Variants in TBX1 observed in about 807,000 individuals in gnomAD.
TBX1 encodes T-box transcription factor TBX1.
Under a neutral mutation model 40.8 loss-of-function variants are expected in TBX1, and 16 were observed. The observed-to-expected ratio is 0.39, with a 90% CI of 0.27 to 0.60. TBX1 has a LOEUF of 0.60. Among genes scored for constraint, TBX1 ranks in the 20% least tolerant of loss-of-function variants. The pLI, the probability that TBX1 is intolerant of heterozygous loss-of-function variation, is 0.51. For missense variants in TBX1, 755 were observed against 728.5 expected (o/e 1.04, Z -0.42); for synonymous variants, 403 against 336.8 (o/e 1.20, Z -2.15).
At chr22:19,779,431 C>A (rs41298008) in exon 9 of TBX1, 4 of 1,613,834 alleles carry the variant, frequency 2.5e-6, no homozygotes, top group Non-Finnish European at 3.4e-6. Context: ...GCCATGGGCA[C>A]ATGGAGTTGT....
At chr22:19,759,491 C>A (rs111452627), upstream of TBX1, 2 of 1,478,506 alleles carry the variant, frequency 1.4e-6, no homozygotes, top group Admixed American at 4.5e-5. Context: ...CCGCCGGGCG[C>A]CTATGGACGC....
chr22:19,759,400 C>T, upstream of TBX1: 1 of 842,544 alleles, frequency 1.2e-6, no homozygotes, highest in Non-Finnish European at 1.4e-6. Flanking sequence ...ACCACAGGCC[C>T]CCGCCCCCGG....
chr22:19,759,576 C>G, upstream of TBX1: 1 of 1,596,578 alleles, frequency 6.3e-7, no homozygotes, highest in Non-Finnish European at 8.5e-7. Flanking sequence ...GCGGAGCGCA[C>G]CGCCCACCAG....
Position 19,766,508 on chromosome 22 carries a change from G to C in TBX1, c.1156G>C (p.Gly386Arg), listed in dbSNP as rs1302265372. Residue 386 changes from glycine (G) to arginine (R), a missense_variant, in exon 7 of 7, where the codon GGC becomes CGC. Physicochemically the swap from Gly to Arg is moderately radical, Grantham distance 125 (BLOSUM62 -2). Around this residue, in one of 3 missense-constraint regions of TBX1, gnomAD observed 412 missense variants for 317.6 expected, o/e 1.30. Transcript: ENST00000649276. ...RVLSPSLPGA[G>R]GAGGLVPLPG... ...GCTAAGCCCCTCGCTGCCCGGGGCCGGCGGCGCCGGCGGCTTAGTCCCGCT... is the reference window on the plus strand; with the variant it reads ...GCTAAGCCCCTCGCTGCCCGGGGCCCGCGGCGCCGGCGGCTTAGTCCCGCT... 4 of 1,303,852 alleles carry C rather than the reference G, an allele frequency of 3.1e-6. No individual in the cohort carries two copies. Among genetic ancestry groups the C allele is most frequent in the East Asian group, 6.5e-5 (2 of 30,796 alleles). The allele number at this position is 1,303,852 out of a possible 1,614,324, so 80.8% of individuals were successfully genotyped here.
downstream of TBX1, among the ~76,000 whole-genome samples, chr22:19,768,555 A>G (rs552754611): frequency 3.9e-5 from 6 of 152,236 alleles, no homozygotes; most frequent in African/African-American, 1.2e-4. Flanking sequence ...ACGGCTGTGG[A>G]TGCCCATTCC....
At chr22:19,768,953 C>T (rs201936614), downstream of TBX1, among the ~76,000 whole-genome samples, 98 of 66,076 alleles carry the variant, frequency 1.5e-3, 1 homozygote, top group East Asian at 3.3e-3. Context: ...TGTTCGCATT[C>T]TTTTTTTTTT....
At chr22:19,768,500 C>T (rs939584819), downstream of TBX1, among the ~76,000 whole-genome samples, 2 of 152,212 alleles carry the variant, frequency 1.3e-5, no homozygotes, top group Non-Finnish European at 2.9e-5. Flanking sequence ...TCTGCAGCAT[C>T]TGCCCAGGCT....
At chr22:19,774,294 T>C (rs2145847596) in intron 8 of TBX1, among the ~76,000 whole-genome samples, 1 of 152,274 alleles carries the variant, frequency 6.6e-6, no homozygotes, top group Admixed American at 6.5e-5. Context: ...GCACCTGTAG[T>C]CCCAGCTACT....
intron 1 of TBX1, among the ~76,000 whole-genome samples, chr22:19,761,511 A>G (rs1170809946): frequency 3.3e-5 from 5 of 151,444 alleles, no homozygotes. Flanking sequence ...GCGGGAGGAG[A>G]CGGCGCGGGC....
chr22:19,776,180 C>T (rs1007063972), intron 8 of TBX1, among the ~76,000 whole-genome samples: 1 of 152,132 alleles, frequency 6.6e-6, no homozygotes, highest in African/African-American at 2.4e-5. Flanking sequence ...GTGTCCACCC[C>T]AGCTCTGGGG....
intron 8 of TBX1, among the ~76,000 whole-genome samples, chr22:19,775,387 G>C (rs914496981): frequency 6.6e-6 from 1 of 152,166 alleles, no homozygotes; most frequent in African/African-American, 2.4e-5. Flanking sequence ...GAGGCGCTGC[G>C]CCCAGCCAAA....
In TBX1 at chr22:19,760,986, G is replaced by A. The variant is rs1936637951; in HGVS notation, c.143G>A (p.Gly48Asp). Residue 48 changes from glycine (G) to aspartate (D), a missense_variant, in exon 1 of 7, where the codon GGC becomes GAC. Physicochemically the swap from Gly to Asp is moderately conservative, Grantham distance 94. Transcript: ENST00000649276. Reference sequence around the variant, plus strand: ...GCGTCGCCCGGCGCCGACCCGTACGGCCCGCGCGAGCCCCCGCCGCCGCCG... The same window carrying A: ...GCGTCGCCCGGCGCCGACCCGTACGACCCGCGCGAGCCCCCGCCGCCGCCG... ...GAASPGADPY[G>D]PREPPPPPPR... is the part of the protein sequence containing the mutation. 1 of 954,438 alleles carries A rather than the reference G, an allele frequency of 1.0e-6. No individual in the cohort carries two copies. Among genetic ancestry groups the A allele is most frequent in the Non-Finnish European group, 1.2e-6 (1 of 804,736 alleles). 59.1% of individuals were successfully genotyped at this position (954,438 alleles called of 1,614,324 possible). A position where few individuals can be genotyped will look rare whatever the true frequency, so the allele number is the denominator to read the frequency against.
At position 19,766,498 on chromosome 22, in the gene TBX1, G is replaced by A. The variant is rs1725365795; in HGVS notation, c.1146G>A (p.Leu382=). 6.9e-6 allele frequency: 9 copies of A among 1,312,184 alleles called. No homozygotes were observed. The highest frequency in any genetic ancestry group is 7.7e-6 in the Non-Finnish European group (8 of 1,033,122). 81.3% of individuals were successfully genotyped at this position (1,312,184 alleles called of 1,614,324 possible). The part of the protein sequence containing the change: ...QLLARVLSPS[L]PGAGGAGGLV... ...TGGCCCGGGTGCTAAGCCCCTCGCTGCCCGGGGCCGGCGGCGCCGGCGGCT... is the reference window on the plus strand; with the variant it reads ...TGGCCCGGGTGCTAAGCCCCTCGCTACCCGGGGCCGGCGGCGCCGGCGGCT... The change falls in exon 7 of 7, where the codon CTG becomes CTA. Residue 382 remains leucine (L), a synonymous_variant. Coordinates refer to ENST00000649276, the MANE Select transcript of TBX1 (RefSeq NM_001379200.1).
chr22:19,773,764 G>A (rs34168539), intron 8 of TBX1, among the ~76,000 whole-genome samples: 23,885 of 152,254 alleles, frequency 0.16, 3,823 homozygotes, highest in African/African-American at 0.41. Context: ...ACTGCCAGGA[G>A]GGGAGTGGTC....
upstream of TBX1, among the ~76,000 whole-genome samples, chr22:19,758,053 C>T (rs1936526418): frequency 6.6e-6 from 1 of 152,192 alleles, no homozygotes; most frequent in African/African-American, 2.4e-5. Context: ...CCTGGACTCA[C>T]ATGCGTTCCT....
chr22:19,782,157 G>A (rs1206852997), downstream of TBX1, among the ~76,000 whole-genome samples: 1 of 152,150 alleles, frequency 6.6e-6, no homozygotes, highest in African/African-American at 2.4e-5. Context: ...GACTCCATAT[G>A]AATTTCAAAA....
At chr22:19,779,485 T>TA (rs1183535704) in exon 9 of TBX1, 26 of 1,599,114 alleles carry the variant, frequency 1.6e-5, no homozygotes, top group East Asian at 2.2e-5. Context: ...TTTCCAAAAT[T>TA]AAAAAAACAG....
At chr22:19,770,597 C>T (rs575498247), downstream of TBX1, among the ~76,000 whole-genome samples, 51 of 152,202 alleles carry the variant, frequency 3.4e-4, no homozygotes, top group Non-Finnish European at 6.5e-4. Flanking sequence ...AGACCCTGGC[C>T]CGGTGGAGAT....
chr22:19,766,613 C>T lies in TBX1; in HGVS notation c.1261C>T (p.His421Tyr). ...GGCGCCCGGCGCATCGGAGCCGCTG[C>T]ACCACCACCCCTACAAATATCCGGC... ...LEAPGASEPL[H>Y]HHPYKYPAAA... Residue 421 changes from histidine to tyrosine, a missense_variant, in exon 7 of 7, where the codon CAC becomes TAC. Transcript: ENST00000649276. 6.6e-7 allele frequency: 1 copy of T among 1,526,582 alleles called. No individual in the cohort carries two copies. The highest frequency in any genetic ancestry group is 1.2e-5 in the South Asian group (1 of 83,372). 94.6% of individuals were successfully genotyped at this position (1,526,582 alleles called of 1,614,324 possible). A position where few individuals can be genotyped will look rare whatever the true frequency, so the allele number is the denominator to read the frequency against.
Sources: allele counts gnomAD v4.1 joint callset (sites outside exome capture counted in the v4.1 genomes callset), GRCh38; gene constraint gnomAD v4.1.1; regional missense constraint gnomAD v4.1.1; transcripts MANE v1.5; gene names NCBI Gene and HGNC (gene_info 2026-07-23, HGNC 2026-07-21).